Variants in UNK observed in about 807,000 individuals in gnomAD.
UNK encodes RING finger protein unkempt homolog.
Under a neutral mutation model 97.6 loss-of-function variants are expected in UNK, and 32 were observed. The ratio of observed to expected loss-of-function variants is 0.33; its 90% CI spans 0.25 to 0.44. The LOEUF (loss-of-function observed/expected upper bound fraction) is 0.44. Ranked by LOEUF, UNK falls within the 20% of genes least tolerant of loss-of-function variation. The probability of loss-of-function intolerance (pLI) is 1.00; values close to 1 mark genes in which losing one functional copy is unlikely to be tolerated. For missense variants in UNK, 771 were observed against 1,098.4 expected (o/e 0.70, Z 4.21); for synonymous variants, 441 against 461.2 (o/e 0.96, Z 0.56).
At chr17:75,811,616 C>A (rs2143777915) in intron 2 of UNK, among the ~76,000 whole-genome samples, 1 of 152,238 alleles carries the variant, frequency 6.6e-6, no homozygotes, top group South Asian at 2.1e-4. Context: ...AGCAGCAGGG[C>A]AGTTCTGTTA....
In UNK at chr17:75,824,190, G is replaced by C; in HGVS notation, c.2278-72G>C. 1.4e-6 allele frequency: 2 copies of C among 1,462,812 alleles called. No homozygotes were observed. Among genetic ancestry groups the C allele is most frequent in the East Asian group, 2.8e-5 (1 of 36,280 alleles). 90.6% of individuals were successfully genotyped at this position (1,462,812 alleles called of 1,614,324 possible). A position where few individuals can be genotyped will look rare whatever the true frequency, so the allele number is the denominator to read the frequency against. ...TCCCATCCCAAGGGGCTGCAGTGAG[G>C]ATCAAGGGAACTCCTCGCTCAACTT... On this transcript the variant is annotated intron_variant, in intron 15 of 15. Coordinates refer to ENST00000589666, the MANE Select transcript of UNK (RefSeq NM_001080419.3). The surrounding 1 kb of genome is among the most constrained non-coding windows in gnomAD (Gnocchi z 4.9).
intron 4 of UNK, 78 bp downstream of exon 4, chr17:75,812,663 C>A: frequency 3.9e-6 from 6 of 1,543,860 alleles, no homozygotes; most frequent in Admixed American, 3.7e-5. Context: ...CTCACCACCA[C>A]CTACTGCCTG....
chr17:75,818,967 T>C lies in UNK; in HGVS notation c.1546+151T>C. On this transcript the variant is annotated intron_variant, in intron 11 of 15. Coordinates refer to ENST00000589666, the MANE Select transcript of UNK (RefSeq NM_001080419.3). This position sits in a 1 kb window ranked among gnomAD's most constrained non-coding sequence, Gnocchi z 5.1. ...GATGGGCACTCTGAGTCCTTTGAGCTAAAGGGGAAATGACCCCAAGGTGTA... is the reference window on the plus strand; with the variant it reads ...GATGGGCACTCTGAGTCCTTTGAGCCAAAGGGGAAATGACCCCAAGGTGTA... 2.1e-6 allele frequency: 2 copies of C among 947,634 alleles called. No homozygotes were observed. The highest frequency in any genetic ancestry group is 3.0e-6 in the Non-Finnish European group (2 of 664,124). 58.7% of individuals were successfully genotyped at this position (947,634 alleles called of 1,614,324 possible).
chr17:75,824,491 T>TGA lies in UNK; in HGVS notation c.*74_*75insGA, dbSNP rs2143842741. ...TTTAAAGTATATATATATATATGAA[T>TGA]ATATATATATATGTGTATGTATGTA... On this transcript the variant is annotated 3_prime_UTR_variant, in exon 16 of 16. Coordinates refer to ENST00000589666, the MANE Select transcript of UNK (RefSeq NM_001080419.3). The surrounding 1 kb of genome is among the most constrained non-coding windows in gnomAD (Gnocchi z 4.9). 54 of 536,460 alleles carry TGA rather than the reference T, an allele frequency of 1.0e-4. 1 individual carries two copies. The highest frequency in any genetic ancestry group is 1.5e-3 in the Middle Eastern group (2 of 1,346). 33.2% of individuals were successfully genotyped at this position (536,460 alleles called of 1,614,324 possible).
At chr17:75,797,261 A>C (rs2061814421) in intron 1 of UNK, among the ~76,000 whole-genome samples, 1 of 152,120 alleles carries the variant, frequency 6.6e-6, no homozygotes, top group Admixed American at 6.6e-5. Context: ...TTTGAGATGG[A>C]GTTTCACTCT....
At chr17:75,821,851 CA>C (rs777587672) in intron 13 of UNK, 2 of 397,712 alleles carry the variant, frequency 5.0e-6, no homozygotes, top group Non-Finnish European at 1.0e-5. Flanking sequence ...GCTGTGCACG[CA>C]GCATAGTTGA....
At chr17:75,792,579 GC>G (rs1369915473) in intron 1 of UNK, 1 of 748,504 alleles carries the variant, frequency 1.3e-6, no homozygotes, top group African/African-American at 1.9e-5. Flanking sequence ...GGACAATGTA[GC>G]TTCTTGTTTT....
At chr17:75,810,848 C>G (rs2061962343) in intron 2 of UNK, among the ~76,000 whole-genome samples, 1 of 152,166 alleles carries the variant, frequency 6.6e-6, no homozygotes. Flanking sequence ...GCTGACCAGG[C>G]TAGTCTCGAC....
chr17:75,790,075 G>A (rs774351101), intron 1 of UNK, among the ~76,000 whole-genome samples: 7 of 152,110 alleles, frequency 4.6e-5, no homozygotes, highest in Non-Finnish European at 8.8e-5. Flanking sequence ...CCTGGGAGGC[G>A]GAGGTTGCAG....
Position 75,813,764 on chromosome 17 carries a change from G to A in UNK, c.762G>A (p.Ser254=), listed in dbSNP as rs751452345. ...ACCCCACCCTCTTGTTGGCCAGGTC[G>A]TCTCCATGTCCAAACGTCAAGCACG... ...RRSPRKHKYR[S]SPCPNVKHGD... Residue 254 remains serine, a synonymous_variant, in exon 6 of 16, where the codon TCG becomes TCA. Coordinates refer to ENST00000589666, the MANE Select transcript of UNK (RefSeq NM_001080419.3). 2.9e-5 allele frequency: 46 copies of A among 1,586,012 alleles called. No homozygotes were observed. Among genetic ancestry groups the A allele is most frequent in the Non-Finnish European group, 3.3e-5 (38 of 1,166,316 alleles).
intron 1 of UNK, among the ~76,000 whole-genome samples, chr17:75,795,787 A>G (rs1236468578): frequency 6.6e-6 from 1 of 152,226 alleles, no homozygotes; most frequent in Admixed American, 6.5e-5. Context: ...TAGGCCCCAC[A>G]GGGCAAGGGG....
intron 1 of UNK, among the ~76,000 whole-genome samples, chr17:75,794,592 C>T (rs1356678267): frequency 6.6e-6 from 1 of 151,238 alleles, no homozygotes. Context: ...GAGCCGAGAT[C>T]ACGCCATTGC....
intron 1 of UNK, 142 bp downstream of exon 1, chr17:75,785,126 G>C (rs1252143466): frequency 5.3e-6 from 3 of 568,610 alleles, no homozygotes; most frequent in Non-Finnish European, 3.0e-6. Context: ...GTTCCAACCT[G>C]CTGGGGCCGG....
chr17:75,821,463 G>A (rs773766098), intron 13 of UNK: 4 of 443,548 alleles, frequency 9.0e-6, no homozygotes, highest in South Asian at 6.4e-5. Flanking sequence ...GGTGGGACAG[G>A]AGAGCTTGCT....
At chr17:75,794,374 C>T (rs979784559) in intron 1 of UNK, among the ~76,000 whole-genome samples, 4 of 152,142 alleles carry the variant, frequency 2.6e-5, no homozygotes, top group Admixed American at 2.0e-4. Context: ...TGGTGGCTCA[C>T]GCCTGTAATC....
chr17:75,794,003 G>A (rs1008032970), intron 1 of UNK: 6 of 985,276 alleles, frequency 6.1e-6, no homozygotes, highest in Non-Finnish European at 7.2e-6. Context: ...ACTGTTAAGA[G>A]GTGCCAGGCA....
At chr17:75,821,620 G>A (rs200352558) in intron 13 of UNK, 24 of 456,702 alleles carry the variant, frequency 5.3e-5, no homozygotes, top group East Asian at 2.8e-4. Context: ...AGAGCAAAGC[G>A]TCTTAAATCT....
At chr17:75,793,858 G>A (rs540344950) in intron 1 of UNK, 453 of 985,434 alleles carry the variant, frequency 4.6e-4, no homozygotes, top group Middle Eastern at 2.6e-3. Context: ...AAGTAGTTAT[G>A]TTCTGTAAAG....
rs1364224217 is a variant in UNK, at chr17:75,822,756, G to C, written c.2019+98G>C. Reference sequence around the variant, plus strand: ...TGGGCGTGGGGTGGGGGAAAGCGGGGGCTGGAAGAACAGAGCAGAAACTCA... The same window carrying C: ...TGGGCGTGGGGTGGGGGAAAGCGGGCGCTGGAAGAACAGAGCAGAAACTCA... On this transcript the variant is annotated intron_variant, in intron 14 of 15. Transcript: ENST00000589666. 13 of 1,366,654 alleles carry C rather than the reference G, an allele frequency of 9.5e-6. No homozygotes were observed. In the South Asian group the frequency reaches 1.9e-4, roughly 20 times the overall value. 84.7% of individuals were successfully genotyped at this position (1,366,654 alleles called of 1,614,324 possible).
Sources: allele counts gnomAD v4.1 joint callset (sites outside exome capture counted in the v4.1 genomes callset), GRCh38; gene constraint gnomAD v4.1.1; non-coding constraint Gnocchi (gnomAD v3.1); transcripts MANE v1.5; gene names NCBI Gene and HGNC (gene_info 2026-07-23, HGNC 2026-07-21).